Variants in DTNA observed in about 807,000 individuals in gnomAD.
DTNA encodes the protein dystrophin-related protein 3.
A neutral mutation model predicts 100.7 loss-of-function variants in DTNA; 43 were observed. The ratio of observed to expected loss-of-function variants is 0.43; its 90% CI spans 0.33 to 0.55. The LOEUF is 0.55. DTNA is among the 20% of genes least tolerant of loss of function. The probability of loss-of-function intolerance (pLI) is 0.04; values close to 1 mark genes in which losing one functional copy is unlikely to be tolerated. For missense variants in DTNA, 798 were observed against 953.9 expected, an observed-to-expected ratio of 0.84 and a Z score of 2.15; for synonymous variants, 349 against 347.9, an observed-to-expected ratio of 1.00 and a Z score of -0.04.
intron 1 of DTNA, among the ~76,000 whole-genome samples, chr18:34,665,266 TACAAACAACA>T (rs2075749049): frequency 6.6e-6 from 1 of 152,124 alleles, no homozygotes; most frequent in African/African-American, 2.4e-5. Context: ...AGATATACAT[TACAAACAACA>T]ACAACAAAAT....
chr18:34,514,886 C>T (rs1031001045), intron 1 of DTNA, among the ~76,000 whole-genome samples: 1 of 151,970 alleles, frequency 6.6e-6, no homozygotes, highest in Non-Finnish European at 1.5e-5. Flanking sequence ...TTAGGATTTC[C>T]ACATGTGAGT....
At chr18:34,514,622 A>C (rs925781166) in intron 1 of DTNA, among the ~76,000 whole-genome samples, 1 of 152,104 alleles carries the variant, frequency 6.6e-6, no homozygotes, top group African/African-American at 2.4e-5. Flanking sequence ...CTGGTGGCTA[A>C]GGAAGAACAG....
chr18:34,501,680 A>G (rs1461603888), intron 1 of DTNA, among the ~76,000 whole-genome samples: 1 of 152,184 alleles, frequency 6.6e-6, no homozygotes, highest in Non-Finnish European at 1.5e-5. Flanking sequence ...GACATAAAAT[A>G]CCACAGACTG....
At position 34,821,194 on chromosome 18, in the gene DTNA, T is replaced by C. The variant is rs146835730; in HGVS notation, c.1001+279T>C. The C allele has an allele frequency of 6.1e-4, 344 of 566,066 alleles. 2 individuals carry two copies. The highest frequency in any genetic ancestry group is 5.6e-3 in the African/African-American group (303 of 53,938). The allele number at this position is 566,066 out of a possible 1,614,324, so 35.1% of individuals were successfully genotyped here. On this transcript the variant is annotated intron_variant, in intron 9 of 22. Coordinates refer to ENST00000444659, the MANE Select transcript of DTNA (RefSeq NM_001386795.1). ...TTATAAAATACGGATGTTAGTGGTG[T>C]CTGCACATTGGAAGTTAACAATGGG...
intron 1 of DTNA, among the ~76,000 whole-genome samples, chr18:34,519,743 T>C (rs1015511575): frequency 1.3e-5 from 2 of 152,300 alleles, no homozygotes; most frequent in East Asian, 3.9e-4. Context: ...GTCTCCTCTT[T>C]ACCCAAGTTT....
intron 3 of DTNA, among the ~76,000 whole-genome samples, chr18:34,791,808 G>T (rs577730569): frequency 6.6e-6 from 1 of 151,990 alleles, no homozygotes; most frequent in South Asian, 2.1e-4. Context: ...ATAATGCATT[G>T]TCTGCTAGGT....
chr18:34,545,091 T>G (rs2044633897), intron 1 of DTNA, among the ~76,000 whole-genome samples: 1 of 152,072 alleles, frequency 6.6e-6, no homozygotes, highest in Non-Finnish European at 1.5e-5. Context: ...GAGACTGATG[T>G]AAGTCCTTGG....
In DTNA at chr18:34,838,225, A is replaced by G. The variant is rs73949007; in HGVS notation, c.1253+54A>G. 5.7e-3 allele frequency: 8,989 copies of G among 1,585,592 alleles called. 398 individuals are homozygous for G. The African/African-American group carries it at 0.1, about 18-fold the overall frequency. On this transcript the variant is annotated intron_variant, in intron 12 of 22. Coordinates refer to ENST00000444659, the MANE Select transcript of DTNA (RefSeq NM_001386795.1). ...CCTGCATTAACTAAACTAAAAATGGAGATTTCTTTTGTCAAAAATGCTTTG... is the reference window on the plus strand; with the variant it reads ...CCTGCATTAACTAAACTAAAAATGGGGATTTCTTTTGTCAAAAATGCTTTG...
intron 1 of DTNA, among the ~76,000 whole-genome samples, chr18:34,699,718 C>T (rs2081105806): frequency 6.6e-6 from 1 of 152,104 alleles, no homozygotes; most frequent in Non-Finnish European, 1.5e-5. Context: ...CAGCATTTTA[C>T]CAGCAAAGAA....
At position 34,888,706 on chromosome 18, in the gene DTNA, T is replaced by G; in HGVS notation, c.*972T>G. The stretch of plus-strand genomic sequence containing the variant: ...AAGATCCCCAAACGGACTAAAGTTA[T>G]CTCTGCTCTTCCATGGTCTTGTTCC... On this transcript the variant is annotated 3_prime_UTR_variant, in exon 23 of 23. Coordinates refer to ENST00000444659, the MANE Select transcript of DTNA (RefSeq NM_001386795.1). 1.0e-6 allele frequency: 1 copy of G among 985,898 alleles called. No individual in the cohort carries two copies. Among genetic ancestry groups the G allele is most frequent in the Non-Finnish European group, 1.2e-6 (1 of 829,954 alleles). The allele number at this position is 985,898 out of a possible 1,614,324, so 61.1% of individuals were successfully genotyped here.
At chr18:34,499,812 T>C (rs2039692836) in intron 1 of DTNA, among the ~76,000 whole-genome samples, 1 of 152,202 alleles carries the variant, frequency 6.6e-6, no homozygotes, top group Non-Finnish European at 1.5e-5. Context: ...TTTGGATTGT[T>C]TGGGAGTTTT....
chr18:34,827,733 T>C (rs1022615930), intron 10 of DTNA, 57 bp downstream of exon 10: 1 of 1,541,518 alleles, frequency 6.5e-7, no homozygotes, highest in Non-Finnish European at 9.0e-7. Flanking sequence ...GCCTTGATTC[T>C]GTGGTAAGAA....
At chr18:34,588,502 A>C (rs1310684792) in intron 1 of DTNA, among the ~76,000 whole-genome samples, 2 of 152,074 alleles carry the variant, frequency 1.3e-5, no homozygotes, top group African/African-American at 4.8e-5. Context: ...CTTAAAACCA[A>C]CATAAGTCCC....
intron 1 of DTNA, among the ~76,000 whole-genome samples, chr18:34,745,003 GA>G (rs1450580768): frequency 6.6e-6 from 1 of 152,226 alleles, no homozygotes; most frequent in African/African-American, 2.4e-5. Context: ...TTGGTAAAAT[GA>G]GACTAATAAT....
chr18:34,494,801 G>C (rs902681594), intron 1 of DTNA, among the ~76,000 whole-genome samples: 9 of 152,058 alleles, frequency 5.9e-5, no homozygotes, highest in Non-Finnish European at 1.3e-4. Context: ...GTCATCACTT[G>C]GCATTTAATG....
At chr18:34,776,833 C>T (rs1338344754) in intron 3 of DTNA, among the ~76,000 whole-genome samples, 1 of 152,154 alleles carries the variant, frequency 6.6e-6, no homozygotes, top group Non-Finnish European at 1.5e-5. Flanking sequence ...TCATCTCCTC[C>T]CACTCTCCTA....
chr18:34,500,638 A>G (rs1398795522), intron 1 of DTNA, among the ~76,000 whole-genome samples: 2 of 151,326 alleles, frequency 1.3e-5, no homozygotes, highest in African/African-American at 2.4e-5. Flanking sequence ...TAATTTTTGT[A>G]TTTTTGGTAG....
intron 1 of DTNA, among the ~76,000 whole-genome samples, chr18:34,558,809 T>C (rs1357923454): frequency 6.6e-6 from 1 of 152,156 alleles, no homozygotes; most frequent in African/African-American, 2.4e-5. Flanking sequence ...CTGAAATGTA[T>C]GTGCTGTTAT....
intron 20 of DTNA, among the ~76,000 whole-genome samples, chr18:34,881,012 C>G (rs545879483): frequency 1.3e-5 from 2 of 152,308 alleles, no homozygotes; most frequent in South Asian, 4.1e-4. Context: ...CCACCCTAAT[C>G]TGCTAGCCCT....
Sources: gnomAD v4.1 joint callset for allele counts (sites outside exome capture counted in the v4.1 genomes callset) on GRCh38, gnomAD v4.1.1 for gene constraint, MANE v1.5 for transcripts, NCBI Gene and HGNC (gene_info 2026-07-23, HGNC 2026-07-21) for gene names.